Variants in ABI1 observed in about 807,000 individuals in gnomAD.
ABI1 encodes the protein Abelson interactor 1.
In ABI1, 14 loss-of-function variants were observed where a neutral mutation model predicts 54.6. The ratio of observed to expected loss-of-function variants is 0.26; its 90% CI spans 0.17 to 0.40. The LOEUF is 0.40. Ranked by LOEUF, ABI1 falls within the 10% of genes least tolerant of loss-of-function variation. ABI1 has a pLI of 1.00. For missense variants in ABI1, 443 were observed against 598.3 expected (o/e 0.74, Z 2.71); for synonymous variants, 194 against 209.3 (o/e 0.93, Z 0.63).
intron 2 of ABI1, among the ~76,000 whole-genome samples, chr10:26,782,664 A>G (rs971856545): frequency 1.1e-4 from 17 of 151,330 alleles, no homozygotes; most frequent in Non-Finnish European, 2.4e-4. Flanking sequence ...CAGAGGCTGC[A>G]GTGAGCTGAG....
In ABI1 at chr10:26,752,688, GTATA is replaced by G. The variant is rs780758106; in HGVS notation, c.1085-909_1085-906del. ...CTCAAACTCTAGATGGTCGTGGTCA[GTATA>G]TATGTGTGTGCTTTACACAGTCAAA... On this transcript the variant is annotated intron_variant, in intron 9 of 10. Transcript: ENST00000376140. 9.2e-5 allele frequency among the ~76,000 whole-genome samples: 14 copies of G among 152,162 alleles called. No individual in the cohort carries two copies. In the South Asian group the frequency reaches 2.7e-3, roughly 29 times the overall value.
At chr10:26,790,927 T>C (rs2133190225) in intron 2 of ABI1, among the ~76,000 whole-genome samples, 1 of 152,032 alleles carries the variant, frequency 6.6e-6, no homozygotes, top group Admixed American at 6.6e-5. Flanking sequence ...AAAAATTTGC[T>C]GGGCATGGTG....
At chr10:26,760,384 G>A (rs938863497) in intron 7 of ABI1, among the ~76,000 whole-genome samples, 1 of 152,058 alleles carries the variant, frequency 6.6e-6, no homozygotes, top group Non-Finnish European at 1.5e-5. Context: ...GGTCACACAA[G>A]GTATCAGATA....
rs1588885234 is a variant in ABI1, at chr10:26,789,974, T to C, written c.286-12733A>G. ...AAGACATGATCTCATTCTTTTTTGA[T>C]GGCTGCATAGTATTCCATGGTGTAT... On this transcript the variant is annotated intron_variant, in intron 2 of 10. Transcript: ENST00000376140. Among the ~76,000 whole-genome samples, 3 of 152,368 alleles carry C rather than the reference T, an allele frequency of 2.0e-5. No homozygotes were observed. In the East Asian group the frequency reaches 5.8e-4, roughly 29 times the overall value.
In ABI1 at chr10:26,860,755, A is replaced by C; in HGVS notation, c.109T>G (p.Tyr37Asp). The change falls in exon 1 of 11, where the codon TAC (tyrosine) becomes GAC (aspartate). Residue 37 changes from tyrosine (Y) to aspartate (D), a missense_variant. By Grantham distance (160) the Tyr-to-Asp change is radical (BLOSUM62 -3). Transcript: ENST00000376140. The surrounding 1 kb of genome is among the most constrained non-coding windows in gnomAD (Gnocchi z 4.1). ...CCGCCAGAGCGCCTCACCTGTATGT[A>C]GTTGTTTTCACAGTAGTCTGCCACC... ...TRVADYCENNYIQATDKRKAL... is the reference protein window; with the variant it reads ...TRVADYCENNDIQATDKRKAL... The C allele has an allele frequency of 6.2e-7, 1 of 1,613,430 alleles. No individual in the cohort carries two copies. The highest frequency in any genetic ancestry group is 8.5e-7 in the Non-Finnish European group (1 of 1,179,466).
At chr10:26,799,211 T>C (rs2046385650) in intron 2 of ABI1, among the ~76,000 whole-genome samples, 4 of 151,920 alleles carry the variant, frequency 2.6e-5, no homozygotes, top group Non-Finnish European at 5.9e-5. Context: ...GACAAATCTT[T>C]AAAAACAGAA....
intron 7 of ABI1, among the ~76,000 whole-genome samples, chr10:26,764,286 T>G (rs1839621451): frequency 6.6e-6 from 1 of 152,204 alleles, no homozygotes; most frequent in South Asian, 2.1e-4. Flanking sequence ...CCATTTCATT[T>G]ACTAAAAATC....
chr10:26,853,115 C>T (rs2050526189), intron 1 of ABI1, among the ~76,000 whole-genome samples: 1 of 151,420 alleles, frequency 6.6e-6, no homozygotes, highest in Non-Finnish European at 1.5e-5. Flanking sequence ...TTAAAATGAC[C>T]ACGTCAACTA....
Position 26,771,108 on chromosome 10 carries a change from AG to A in ABI1, c.463-20del, listed in dbSNP as rs530649225. The A allele has an allele frequency of 5.0e-6, 8 of 1,613,170 alleles. No individual in the cohort carries two copies. The highest frequency in any genetic ancestry group is 4.5e-5 in the East Asian group (2 of 44,778). ...TTAGCCACTTTACGTTGGCAAAAAA[AG>A]GGGGGGAAAAAGTAGACATTAATGC... On this transcript the variant is annotated intron_variant, in intron 3 of 10. Transcript: ENST00000376140.
At position 26,843,038 on chromosome 10, in the gene ABI1, C is replaced by T. The variant is rs147817760; in HGVS notation, c.117+17709G>A. ...CAGCCTGGGCGACAGAGCAAGACTC[C>T]ATCTTAAAAAGTAAATAAATAAATA... On this transcript the variant is annotated intron_variant, in intron 1 of 10. Transcript: ENST00000376140. Among the ~76,000 whole-genome samples, 2,709 of 151,898 alleles carry T rather than the reference C, an allele frequency of 0.018. 191 individuals carry two copies. The South Asian group carries it at 0.19, about 11-fold the overall frequency.
intron 8 of ABI1, among the ~76,000 whole-genome samples, chr10:26,758,323 C>T (rs1018375833): frequency 3.3e-5 from 5 of 152,092 alleles, no homozygotes; most frequent in Admixed American, 1.3e-4. Context: ...AAACAGTGGA[C>T]AACAGGTTCA....
chr10:26,856,433 CAAAAAAAAAAAAAA>C (rs58195958), intron 1 of ABI1, among the ~76,000 whole-genome samples: 5 of 57,780 alleles, frequency 8.7e-5, no homozygotes, highest in Admixed American at 2.3e-4. Context: ...ATCTGTTACT[CAAAAAAAAAAAAAA>C]AAAAAAAAAA....
intron 2 of ABI1, among the ~76,000 whole-genome samples, chr10:26,805,110 G>A (rs573918483): frequency 6.6e-6 from 1 of 152,114 alleles, no homozygotes; most frequent in African/African-American, 2.4e-5. Context: ...AAACAAAGAC[G>A]CACAAATTTA....
chr10:26,765,722 G>A (rs1439742015), intron 6 of ABI1, among the ~76,000 whole-genome samples: 10 of 151,664 alleles, frequency 6.6e-5, no homozygotes, highest in Non-Finnish European at 1.5e-4. Context: ...GGCAATGGGA[G>A]GGTTGGTGGG....
rs1455812506 is a variant in ABI1 at position 26,777,259 on chromosome 10, C to T, written c.286-18G>A. On this transcript the variant is annotated intron_variant, in intron 2 of 10. Coordinates refer to ENST00000376140, the MANE Select transcript of ABI1 (RefSeq NM_001012750.3). Reference sequence around the variant, plus strand: ...TCCACAGTCTATATTTTAATTTGAACAAAACAAGAAAATATTATTTGACAT... The same window carrying T: ...TCCACAGTCTATATTTTAATTTGAATAAAACAAGAAAATATTATTTGACAT... 6.3e-7 allele frequency: 1 copy of T among 1,579,434 alleles called. No individual in the cohort carries two copies. The highest frequency in any genetic ancestry group is 8.6e-7 in the Non-Finnish European group (1 of 1,160,634).
chr10:26,835,667 G>A (rs1356959465), intron 1 of ABI1, among the ~76,000 whole-genome samples: 1 of 151,828 alleles, frequency 6.6e-6, no homozygotes, highest in Non-Finnish European at 1.5e-5. Flanking sequence ...ATTGATACAT[G>A]AGTGGTTATT....
chr10:26,820,891 G>A (rs957237201), intron 2 of ABI1, among the ~76,000 whole-genome samples: 2 of 151,986 alleles, frequency 1.3e-5, no homozygotes, highest in African/African-American at 4.8e-5. Flanking sequence ...AAACACCTAT[G>A]TTAGAAAAGA....
intron 8 of ABI1, among the ~76,000 whole-genome samples, chr10:26,756,875 GAAAGAAGTTCAGTGTTC>G (rs982370108): frequency 2.6e-5 from 4 of 152,112 alleles, no homozygotes; most frequent in Non-Finnish European, 5.9e-5. Flanking sequence ...ATAAAAATTT[GAAAGAAGTTCAGTGTTC>G]AAAGAAGTAA....
At chr10:26,837,965 A>G (rs1195221443) in intron 1 of ABI1, among the ~76,000 whole-genome samples, 3 of 151,882 alleles carry the variant, frequency 2.0e-5, no homozygotes, top group Non-Finnish European at 4.4e-5. Flanking sequence ...TCTTGGTTTC[A>G]CAGATGAAGG....
Sources: allele counts gnomAD v4.1 joint callset (sites outside exome capture counted in the v4.1 genomes callset), GRCh38; gene constraint gnomAD v4.1.1; non-coding constraint Gnocchi (gnomAD v3.1); transcripts MANE v1.5; gene names NCBI Gene and HGNC (gene_info 2026-07-23, HGNC 2026-07-21).